ACTMAP: variants seen among roughly 807,000 people sequenced by gnomAD.
ACTMAP encodes the protein actin maturation protease.
chr19:40,745,320 G>C, the ACTMAP span: 1 of 898,298 alleles, frequency 1.1e-6, no homozygotes, highest in Non-Finnish European at 1.8e-6. Context: ...GCTGTCCTAA[G>C]GCTGAAGGCG....
chr19:40,744,535 G>A, the ACTMAP span: 1 of 1,612,188 alleles, frequency 6.2e-7, no homozygotes, highest in Non-Finnish European at 8.5e-7. Flanking sequence ...AAGAGATGAT[G>A]GAGCATGCAG....
At chr19:40,744,818 C>T in the ACTMAP span, 2 of 1,338,826 alleles carry the variant, frequency 1.5e-6, no homozygotes, top group Non-Finnish European at 2.0e-6. Context: ...GACCTGACTC[C>T]CCTTCAGGGG....
the ACTMAP span, chr19:40,743,865 A>G: frequency 3.1e-6 from 5 of 1,604,472 alleles, no homozygotes; most frequent in African/African-American, 2.7e-5. Flanking sequence ...GGCCGGGGAG[A>G]CCCAGGTTGA....
chr19:40,744,720 C>T, the ACTMAP span: 1 of 1,571,760 alleles, frequency 6.4e-7, no homozygotes, highest in African/African-American at 1.4e-5. Flanking sequence ...AATCCTATGT[C>T]ACAGCCCCCT....
At chr19:40,750,399 CAG>C in the ACTMAP span, 1 of 152,160 alleles carries the variant, frequency 6.6e-6, no homozygotes, top group African/African-American at 2.4e-5. Context: ...GGAGAAGACT[CAG>C]AGATCAGAGG....
At chr19:40,749,408 C>CT in the ACTMAP span, 15 of 1,409,240 alleles carry the variant, frequency 1.1e-5, no homozygotes, top group Non-Finnish European at 1.4e-5. Flanking sequence ...ACGGGAACCC[C>CT]CCCCCCACCC....
chr19:40,744,881 G>A, the ACTMAP span: 4 of 898,816 alleles, frequency 4.5e-6, no homozygotes, highest in South Asian at 7.0e-5. Flanking sequence ...GGTCACCTGA[G>A]CTTCCTGGGA....
the ACTMAP span, chr19:40,741,928 AGT>A: frequency 1.1e-3 from 495 of 446,022 alleles, 1 homozygote; most frequent in African/African-American, 9.5e-3. Flanking sequence ...TCCCTGAGGT[AGT>A]GATACCTGAG....
the ACTMAP span, among the ~76,000 whole-genome samples, chr19:40,743,729 TTCTGTTTGTAGAA>T: frequency 1.1e-3 from 160 of 152,162 alleles, 2 homozygotes; most frequent in Non-Finnish European, 2.1e-3. Flanking sequence ...TGCTCTGAGC[TTCTGTTTGTAGAA>T]GCTCCAACTG....
At chr19:40,743,440 C>T in the ACTMAP span, among the ~76,000 whole-genome samples, 3 of 152,080 alleles carry the variant, frequency 2.0e-5, no homozygotes, top group South Asian at 4.1e-4. Context: ...ACCATGTTGG[C>T]CAGGCTGGTC....
At chr19:40,749,884 G>A in the ACTMAP span, 1 of 1,152,428 alleles carries the variant, frequency 8.7e-7, no homozygotes, top group Non-Finnish European at 1.2e-6. Flanking sequence ...CTCAGGGATG[G>A]AGATTTTAAA....
At chr19:40,745,247 C>T in the ACTMAP span, 1 of 1,539,996 alleles carries the variant, frequency 6.5e-7, no homozygotes, top group Admixed American at 2.0e-5. Context: ...CTGAAGCACC[C>T]CCTACCCTGA....
At chr19:40,742,900 A>C in the ACTMAP span, 5 of 867,666 alleles carry the variant, frequency 5.8e-6, no homozygotes, top group East Asian at 1.3e-4. Flanking sequence ...CGGTGACGTT[A>C]GTGGTGGCCA....
chr19:40,743,934 C>G, the ACTMAP span: 1 of 1,614,022 alleles, frequency 6.2e-7, no homozygotes, highest in African/African-American at 1.3e-5. Context: ...TGCCTTGTGG[C>G]CCTTCCTCTG....
chr19:40,743,850 A>T, the ACTMAP span: 1 of 1,591,626 alleles, frequency 6.3e-7, no homozygotes, highest in Non-Finnish European at 8.6e-7. Context: ...AGGAGGATTA[A>T]TGGAGGCCGG....
At chr19:40,744,691 CAG>C in the ACTMAP span, 3 of 1,600,284 alleles carry the variant, frequency 1.9e-6, no homozygotes, top group Non-Finnish European at 2.6e-6. Context: ...CATCTGGGGA[CAG>C]AGAGGCCCAG....
At chr19:40,745,309 G>T in the ACTMAP span, 1 of 1,085,726 alleles carries the variant, frequency 9.2e-7, no homozygotes, top group Non-Finnish European at 1.4e-6. Context: ...ATATGGGCCT[G>T]GCTGTCCTAA....
the ACTMAP span, chr19:40,742,644 G>A: frequency 3.8e-4 from 620 of 1,613,346 alleles, 2 homozygotes; most frequent in Middle Eastern, 3.3e-3. Flanking sequence ...GACAGCTCCC[G>A]GGGAGCCCTC....
At chr19:40,742,317 G>T in the ACTMAP span, 1 of 1,065,110 alleles carries the variant, frequency 9.4e-7, no homozygotes, top group Non-Finnish European at 1.3e-6. Context: ...TGATGAAGGA[G>T]GACTGGAGAC....
Sources: gnomAD v4.1 joint callset for allele counts (sites outside exome capture counted in the v4.1 genomes callset) on GRCh38, gnomAD v4.1.1 for gene constraint, MANE v1.5 for transcripts, NCBI Gene and HGNC (gene_info 2026-07-23, HGNC 2026-07-21) for gene names.